The following PRRC2B variants were observed in gnomAD, a reference collection of about 807,000 sequenced individuals.
PRRC2B encodes protein PRRC2B.
Under a neutral mutation model 242.3 loss-of-function variants are expected in PRRC2B, and 68 were observed. The ratio of observed to expected loss-of-function variants is 0.28; its 90% confidence interval spans 0.23 to 0.34. The LOEUF is 0.34. PRRC2B is among the 10% of genes least tolerant of loss of function. The probability of loss-of-function intolerance (pLI) is 1.00; values close to 1 mark genes in which losing one functional copy is unlikely to be tolerated. For missense variants in PRRC2B, 2,835 were observed against 2,954.8 expected (o/e 0.96, Z 0.94); for synonymous variants, 1,228 against 1,173.6 (o/e 1.05, Z -0.95).
chr9:131,388,863 C>T lies in PRRC2B; in HGVS notation c.-56+15132C>T, dbSNP rs188757338. Among the ~76,000 whole-genome samples, 199 of 106,210 alleles carry T rather than the reference C, an allele frequency of 1.9e-3. 12 individuals carry two copies. The East Asian group carries it at 0.046, about 24-fold the overall frequency. The allele number at this position is 106,210 out of a possible 152,430, so 69.7% of individuals were successfully genotyped here. On this transcript the variant is annotated intron_variant, in intron 1 of 1. Coordinates refer to the PRRC2B transcript ENST00000682525. Reference sequence around the variant, plus strand: ...ACCTTTTTTTTTTTTTTTTTTGAGACGGAGTCTCGCTCCGTTGCCCAGGCT... The same window carrying T: ...ACCTTTTTTTTTTTTTTTTTTGAGATGGAGTCTCGCTCCGTTGCCCAGGCT...
intron 13 of PRRC2B, among the ~76,000 whole-genome samples, chr9:131,468,848 G>A (rs1943464541): frequency 6.6e-6 from 1 of 152,186 alleles, no homozygotes; most frequent in African/African-American, 2.4e-5. Flanking sequence ...GCACCTGGGA[G>A]CCTTCCAGGG....
intron 1 of PRRC2B, among the ~76,000 whole-genome samples, chr9:131,423,804 AG>A (rs1423246632): frequency 6.6e-6 from 1 of 152,186 alleles, no homozygotes; most frequent in African/African-American, 2.4e-5. Context: ...TTGTCCTCGT[AG>A]GGGCTGCTTT....
Position 131,476,299 on chromosome 9 carries a change from G to A in PRRC2B, c.4170G>A (p.Arg1390=), listed in dbSNP as rs1036479534. The change falls in exon 16 of 32, where the codon CGG becomes CGA. Residue 1390 remains arginine (R), a synonymous_variant. Transcript: ENST00000683519. ...SSDFSERRER[R]EGPGSEPDSQ... is the part of the protein sequence containing the mutation. ...ACTTCAGCGAGCGGCGGGAGCGGCG[G>A]GAAGGCCCTGGGTCCGAGCCCGACT... The A allele has an allele frequency of 5.7e-6, 9 of 1,585,608 alleles. No individual in the cohort carries two copies. The highest frequency in any genetic ancestry group is 4.6e-5 in the South Asian group (4 of 87,884).
chr9:131,383,507 T>G (rs1209298303), intron 1 of PRRC2B, among the ~76,000 whole-genome samples: 2 of 152,144 alleles, frequency 1.3e-5, no homozygotes, highest in Admixed American at 6.6e-5. Flanking sequence ...CAGGCCCAGC[T>G]TAGGCTGTGT....
intron 1 of PRRC2B, among the ~76,000 whole-genome samples, chr9:131,395,972 A>T (rs902986448): frequency 1.3e-5 from 2 of 152,318 alleles, no homozygotes; most frequent in East Asian, 3.9e-4. Context: ...TAATCATCTG[A>T]GAGTGAGTTT....
chr9:131,481,565 G>A (rs913218249), intron 19 of PRRC2B, among the ~76,000 whole-genome samples, 161 bp from the exon 20 acceptor site: 1 of 151,698 alleles, frequency 6.6e-6, no homozygotes, highest in African/African-American at 2.4e-5. Flanking sequence ...CGTCAGAGCC[G>A]TTCACTGGGT....
Position 131,482,721 on chromosome 9 carries a change from A to G in PRRC2B, c.5187A>G (p.Gln1729=), listed in dbSNP as rs2275498. 0.061 allele frequency: 96,566 copies of G among 1,579,208 alleles called. 3,499 individuals carry two copies. The highest frequency in any genetic ancestry group is 0.14 in the Admixed American group (7,488 of 52,910). The stretch of plus-strand genomic sequence containing the variant: ...GCTTTTTTATCAAGGATTCAGAACA[A>G]GGCTCTGGACAGAGCAAGGAGCACA... ...PKPSEQKDSE[Q]GSGQSKEHRP... The change falls in exon 22 of 32, where the codon CAA becomes CAG. Residue 1729 remains glutamine, a synonymous_variant. Coordinates refer to ENST00000683519, the MANE Select transcript of PRRC2B (RefSeq NM_013318.4). The surrounding 1 kb of genome is among the most constrained non-coding windows in gnomAD (Gnocchi z 5.2).
At chr9:131,389,059 C>G (rs1836864836) in intron 1 of PRRC2B, among the ~76,000 whole-genome samples, 1 of 149,714 alleles carries the variant, frequency 6.7e-6, no homozygotes, top group Non-Finnish European at 1.5e-5. Context: ...CCAGGCTGGT[C>G]TCGAACTCCT....
At chr9:131,426,371 AAAAG>A (rs1837978465) in intron 1 of PRRC2B, among the ~76,000 whole-genome samples, 3 of 150,394 alleles carry the variant, frequency 2.0e-5, no homozygotes, top group East Asian at 3.9e-4. Flanking sequence ...GAAAAAGAAA[AAAAG>A]AAGAAGAAGA....
At chr9:131,420,496 T>TCTTTCCTTCTTTCTTTCTTTCTTTC (rs59621148) in intron 1 of PRRC2B, among the ~76,000 whole-genome samples, 1 of 75,898 alleles carries the variant, frequency 1.3e-5, no homozygotes, top group African/African-American at 5.3e-5. Flanking sequence ...TTTCTTTCTT[T>TCTTTCCTTCTTTCTTTCTTTCTTTC]TTTTTTTTTT....
chr9:131,495,434 G>A (rs1011682787), intron 31 of PRRC2B, among the ~76,000 whole-genome samples: 1 of 152,162 alleles, frequency 6.6e-6, no homozygotes, highest in Non-Finnish European at 1.5e-5. Flanking sequence ...CTTCCAGTTG[G>A]CCTTGGGACC....
intron 3 of PRRC2B, among the ~76,000 whole-genome samples, chr9:131,435,284 C>T (rs561128559): frequency 1.6e-4 from 21 of 134,970 alleles, no homozygotes; most frequent in African/African-American, 5.6e-4. Flanking sequence ...AGTGACAGAG[C>T]GAGATTCCAT....
At chr9:131,465,482 A>ATG (rs1460613841) in intron 12 of PRRC2B, among the ~76,000 whole-genome samples, 1 of 152,106 alleles carries the variant, frequency 6.6e-6, no homozygotes, top group East Asian at 1.9e-4. Flanking sequence ...TGGGATGAGT[A>ATG]TGTACCTGCC....
At chr9:131,377,290 T>G (rs1836698602) in intron 1 of PRRC2B, among the ~76,000 whole-genome samples, 1 of 152,174 alleles carries the variant, frequency 6.6e-6, no homozygotes. Flanking sequence ...AATTTTTGTA[T>G]TTTTAGTACA....
Position 131,492,171 on chromosome 9 carries a change from C to T in PRRC2B, c.6384C>T (p.Pro2128=). The stretch of plus-strand genomic sequence containing the variant: ...TTGTTCCTGCTTGGTCTCTCTAGCC[C>T]TCTCAGATGGAGATGAAAGGCTTCC... ...QPPVLNTSRE[P]SQMEMKGFHF... is the part of the protein sequence containing the mutation. Residue 2128 remains proline (P), a splice_region_variant and synonymous_variant, in exon 30 of 32, where the codon CCC becomes CCT. Coordinates refer to ENST00000683519, the MANE Select transcript of PRRC2B (RefSeq NM_013318.4). 6.2e-7 allele frequency: 1 copy of T among 1,613,382 alleles called. No individual in the cohort carries two copies. The highest frequency in any genetic ancestry group is 8.5e-7 in the Non-Finnish European group (1 of 1,179,432).
Position 131,490,591 on chromosome 9 carries a change from C to A in PRRC2B, c.6226-834C>A, listed in dbSNP as rs137880301. 819 of 519,084 alleles carry A rather than the reference C, an allele frequency of 1.6e-3. 5 individuals are homozygous for A. Among genetic ancestry groups the A allele is most frequent in the Non-Finnish European group, 2.5e-3 (649 of 259,978 alleles). The allele number at this position is 519,084 out of a possible 1,614,324, so 32.2% of individuals were successfully genotyped here. A position where few individuals can be genotyped will look rare whatever the true frequency, so the allele number is the denominator to read the frequency against. On this transcript the variant is annotated intron_variant, in intron 28 of 31. Transcript: ENST00000683519. ...GAGAGACCAAAAGTGGCCCAGCCCC[C>A]CTACCCCATCCTGTTCCCCTGTCCT...
intron 1 of PRRC2B, among the ~76,000 whole-genome samples, chr9:131,398,707 G>C (rs915714395): frequency 2.0e-5 from 3 of 152,214 alleles, no homozygotes; most frequent in Admixed American, 6.5e-5. Context: ...GGTAGGGCAA[G>C]GTGGCTCATG....
intron 11 of PRRC2B, among the ~76,000 whole-genome samples, chr9:131,459,693 A>T (rs1310527602): frequency 1.3e-5 from 2 of 151,108 alleles, no homozygotes; most frequent in Non-Finnish European, 2.9e-5. Context: ...GTGTGCTGCC[A>T]CACCTGGCTC....
chr9:131,424,688 AAAAAG>A (rs767361121), intron 1 of PRRC2B, among the ~76,000 whole-genome samples: 20 of 152,176 alleles, frequency 1.3e-4, no homozygotes, highest in Non-Finnish European at 2.1e-4. Context: ...TCTGTCTCAA[AAAAAG>A]AAAAGAAAAG....
Sources: allele counts gnomAD v4.1 joint callset (sites outside exome capture counted in the v4.1 genomes callset), GRCh38; gene constraint gnomAD v4.1.1; non-coding constraint Gnocchi (gnomAD v3.1); transcripts MANE v1.5; gene names NCBI Gene and HGNC (gene_info 2026-07-23, HGNC 2026-07-21).